TMEM62: variants seen among roughly 807,000 people sequenced by gnomAD.
The protein encoded by TMEM62 is transmembrane protein 62.
TMEM62 carries 41 observed loss-of-function variants against 70.4 expected under a neutral mutation model. The observed-to-expected ratio is 0.58, with a 90% CI of 0.45 to 0.76. TMEM62 has a LOEUF of 0.76. TMEM62 is among the 30% of genes least tolerant of loss of function. The pLI, the probability that TMEM62 is intolerant of heterozygous loss-of-function variation, is 0.00. For synonymous variants in TMEM62, 268 were observed against 291.0 expected, an observed-to-expected ratio of 0.92 and a Z score of 0.80; for missense variants, 688 against 788.5, an observed-to-expected ratio of 0.87 and a Z score of 1.53.
chr15:43,160,966 T>C (rs1460284248), intron 10 of TMEM62, among the ~76,000 whole-genome samples, 172 bp downstream of exon 10: 1 of 152,206 alleles, frequency 6.6e-6, no homozygotes, highest in Non-Finnish European at 1.5e-5. Context: ...GACCATAGTC[T>C]TGTAACTTTA....
intron 10 of TMEM62, among the ~76,000 whole-genome samples, chr15:43,163,393 T>C (rs1156917584): frequency 6.6e-6 from 1 of 152,206 alleles, no homozygotes; most frequent in Admixed American, 6.5e-5. Flanking sequence ...AATTTTTAAA[T>C]CATTTGTTAT....
chr15:43,145,799 A>G (rs931740580), intron 4 of TMEM62, among the ~76,000 whole-genome samples: 6 of 152,208 alleles, frequency 3.9e-5, no homozygotes, highest in African/African-American at 1.4e-4. Context: ...TATGCCCTCC[A>G]ATAAAATCTA....
chr15:43,177,725 A>T (rs1412609235), intron 11 of TMEM62, among the ~76,000 whole-genome samples: 1 of 152,096 alleles, frequency 6.6e-6, no homozygotes, highest in African/African-American at 2.4e-5. Flanking sequence ...GGAAATCATC[A>T]TTCTCAGTAA....
At chr15:43,154,900 T>C in intron 9 of TMEM62, 69 bp downstream of exon 9, 2 of 1,369,358 alleles carry the variant, frequency 1.5e-6, no homozygotes, top group Non-Finnish European at 2.0e-6. Flanking sequence ...TGGTTTGGAA[T>C]TTTTTAGTCA....
At chr15:43,169,708 C>G in intron 11 of TMEM62, 31 bp downstream of exon 11, 2 of 1,573,296 alleles carry the variant, frequency 1.3e-6, no homozygotes, top group South Asian at 2.3e-5. Flanking sequence ...TTCCTATAAG[C>G]CTTGTTCATG....
intron 13 of TMEM62, 151 bp from the exon 14 acceptor site, chr15:43,184,109 C>T: frequency 1.5e-6 from 1 of 652,796 alleles, no homozygotes; most frequent in Non-Finnish European, 2.7e-6. Context: ...AGCCACAAGT[C>T]AGCTGTTGTG....
chr15:43,158,898 C>T (rs2038346074), intron 9 of TMEM62, among the ~76,000 whole-genome samples: 1 of 152,100 alleles, frequency 6.6e-6, no homozygotes, highest in South Asian at 2.1e-4. Context: ...ATAAAAAATA[C>T]TTGATGTATT....
intron 10 of TMEM62, among the ~76,000 whole-genome samples, chr15:43,161,778 A>C (rs1372352425): frequency 6.6e-6 from 1 of 152,020 alleles, no homozygotes. Flanking sequence ...CTCCTGCCTC[A>C]GCCTCCTGAG....
At chr15:43,134,153 G>A in intron 1 of TMEM62, 104 bp from the exon 2 acceptor site, 1 of 1,449,280 alleles carries the variant, frequency 6.9e-7, no homozygotes, top group Non-Finnish European at 9.4e-7. Flanking sequence ...GTTATGCATT[G>A]CCTCTTTGCC....
chr15:43,134,797 G>A (rs1380448347), intron 2 of TMEM62, among the ~76,000 whole-genome samples: 1 of 152,026 alleles, frequency 6.6e-6, no homozygotes, highest in Non-Finnish European at 1.5e-5. Flanking sequence ...TGAGGCTTCC[G>A]GTGACCCAGG....
intron 9 of TMEM62, among the ~76,000 whole-genome samples, chr15:43,158,951 A>G (rs948876550): frequency 6.6e-6 from 1 of 152,166 alleles, no homozygotes; most frequent in Admixed American, 6.5e-5. Context: ...AAATTGTTCC[A>G]CCTTTGGCTA....
chr15:43,184,651 T>C lies in TMEM62; in HGVS notation c.*65T>C. 1 of 1,442,998 alleles carries C rather than the reference T, an allele frequency of 6.9e-7. No individual in the cohort carries two copies. The highest frequency in any genetic ancestry group is 9.4e-7 in the Non-Finnish European group (1 of 1,059,502). The allele number at this position is 1,442,998 out of a possible 1,614,324, so 89.4% of individuals were successfully genotyped here. ...CCTCTGTGTCTGTAGCCCAGGCCTC[T>C]ACCCCAGTAGCAGGTGGAGGGCCAG... On this transcript the variant is annotated 3_prime_UTR_variant, in exon 14 of 14. Transcript: ENST00000260403.
At chr15:43,173,193 C>A (rs2040386327) in intron 11 of TMEM62, among the ~76,000 whole-genome samples, 1 of 152,172 alleles carries the variant, frequency 6.6e-6, no homozygotes, top group South Asian at 2.1e-4. Context: ...GAGACTCCAT[C>A]TCAAAAAAAC....
intron 10 of TMEM62, among the ~76,000 whole-genome samples, chr15:43,161,512 T>A (rs549034954): frequency 6.6e-4 from 100 of 152,278 alleles, no homozygotes; most frequent in African/African-American, 2.3e-3. Flanking sequence ...AGAAATAAAG[T>A]TAAATCAGCC....
chr15:43,159,943 C>G (rs1198624252), intron 9 of TMEM62, among the ~76,000 whole-genome samples: 1 of 152,070 alleles, frequency 6.6e-6, no homozygotes, highest in Non-Finnish European at 1.5e-5. Flanking sequence ...AATATTTACT[C>G]TTTAAATGTA....
chr15:43,167,684 C>T (rs982213603), intron 10 of TMEM62, among the ~76,000 whole-genome samples: 100 of 152,100 alleles, frequency 6.6e-4, no homozygotes, highest in African/African-American at 2.3e-3. Context: ...AGACGATGGG[C>T]GGCCAGGCAG....
Position 43,133,990 on chromosome 15 carries a change from G to T in TMEM62, c.180+8G>T. The T allele has an allele frequency of 6.9e-7, 1 of 1,439,760 alleles. No individual in the cohort carries two copies. The highest frequency in any genetic ancestry group is 9.1e-7 in the Non-Finnish European group (1 of 1,102,294). 89.2% of individuals were successfully genotyped at this position (1,439,760 alleles called of 1,614,324 possible). A position where few individuals can be genotyped will look rare whatever the true frequency, so the allele number is the denominator to read the frequency against. ...ATCTTCTGGGGCCTGCAGGTGACGC[G>T]GCGGGAAGCCGGGCCGGGAGGCAGG... On this transcript the variant is annotated splice_region_variant and intron_variant, in intron 1 of 13. Transcript: ENST00000260403.
chr15:43,156,355 A>G lies in TMEM62; in HGVS notation c.1182+1524A>G, dbSNP rs537111243. 3.9e-5 allele frequency among the ~76,000 whole-genome samples: 6 copies of G among 152,324 alleles called. No homozygotes were observed. In the South Asian group the frequency reaches 1.2e-3, roughly 32 times the overall value. On this transcript the variant is annotated intron_variant, in intron 9 of 13. Transcript: ENST00000260403. ...GAAACTTGTACATCTGCACAAAAGA[A>G]GACACTCTGCTATGCCATCCATCTT...
intron 9 of TMEM62, among the ~76,000 whole-genome samples, chr15:43,157,073 A>G (rs559644450): frequency 2.0e-5 from 3 of 152,266 alleles, no homozygotes; most frequent in Non-Finnish European, 2.9e-5. Flanking sequence ...TTGAAACTCA[A>G]AATCCGTGGG....
Sources: gnomAD v4.1 joint callset for allele counts (sites outside exome capture counted in the v4.1 genomes callset) on GRCh38, gnomAD v4.1.1 for gene constraint, MANE v1.5 for transcripts, NCBI Gene and HGNC (gene_info 2026-07-23, HGNC 2026-07-21) for gene names.